Variants in PRPSAP1 observed in about 807,000 individuals in gnomAD.
The protein encoded by PRPSAP1 is phosphoribosyl pyrophosphate synthetase associated protein 1, also known as phosphoribosyl pyrophosphate synthase-associated protein 1.
Under a neutral mutation model 39.4 loss-of-function variants are expected in PRPSAP1, and 31 were observed. The ratio of observed to expected loss-of-function variants is 0.79; its 90% confidence interval spans 0.59 to 1.06. The LOEUF (loss-of-function observed/expected upper bound fraction) is 1.06. PRPSAP1 is among the 50% of genes least tolerant of loss of function. PRPSAP1 has a pLI of 0.00. For synonymous variants in PRPSAP1, 212 were observed against 192.6 expected (o/e 1.10, Z -0.83); for missense variants, 430 against 511.6 (o/e 0.84, Z 1.54).
rs577573547 is a variant in PRPSAP1 at position 76,332,019 on chromosome 17, T to C, written c.463+244A>G. On this transcript the variant is annotated intron_variant, in intron 4 of 9. Coordinates refer to ENST00000446526, the MANE Select transcript of PRPSAP1 (RefSeq NM_002766.3). Reference sequence around the variant, plus strand: ...AGAATTTAGCGATGACAAGATGAAATAGAAAATATGTGACAGATGACAGAG... The same window carrying C: ...AGAATTTAGCGATGACAAGATGAAACAGAAAATATGTGACAGATGACAGAG... Among the ~76,000 whole-genome samples, 43 of 151,810 alleles carry C rather than the reference T, an allele frequency of 2.8e-4. No individual in the cohort carries two copies. In the South Asian group the frequency reaches 3.3e-3, roughly 12 times the overall value.
At chr17:76,352,644 CAA>C (rs55986677) in intron 1 of PRPSAP1, among the ~76,000 whole-genome samples, 24 of 53,578 alleles carry the variant, frequency 4.5e-4, no homozygotes, top group African/African-American at 1.2e-3. Flanking sequence ...GACTCCGTCT[CAA>C]AAAAAAAAAA....
At chr17:76,326,495 T>C (rs2040379350) in intron 7 of PRPSAP1, among the ~76,000 whole-genome samples, 1 of 152,184 alleles carries the variant, frequency 6.6e-6, no homozygotes, top group Non-Finnish European at 1.5e-5. Flanking sequence ...ACACATCATG[T>C]GTTTCCTGTG....
intron 3 of PRPSAP1, 125 bp from the exon 4 acceptor site, chr17:76,332,560 G>C: frequency 1.9e-6 from 2 of 1,050,164 alleles, no homozygotes; most frequent in South Asian, 3.1e-5. Flanking sequence ...CATCACACTA[G>C]CTTACAATGG....
intron 7 of PRPSAP1, among the ~76,000 whole-genome samples, chr17:76,318,100 T>A (rs753707659): frequency 1.3e-5 from 2 of 152,122 alleles, no homozygotes; most frequent in African/African-American, 4.8e-5. Flanking sequence ...TCTCCAGACA[T>A]TGCCAAATAT....
rs538020554 is a variant in PRPSAP1, at chr17:76,313,183, A to C, written c.853-167T>G. On this transcript the variant is annotated intron_variant, in intron 8 of 9. Coordinates refer to ENST00000446526, the MANE Select transcript of PRPSAP1 (RefSeq NM_002766.3). ...AACGAGCATCCAGAAATGGCAACAG[A>C]AGCACCTGACAGTACCTTGTGTGTC... 11 of 821,758 alleles carry C rather than the reference A, an allele frequency of 1.3e-5. No homozygotes were observed. In the African/African-American group the frequency reaches 1.6e-4, roughly 12 times the overall value. 50.9% of individuals were successfully genotyped at this position (821,758 alleles called of 1,614,324 possible).
At chr17:76,352,374 G>A (rs187999368) in intron 1 of PRPSAP1, among the ~76,000 whole-genome samples, 1 of 152,130 alleles carries the variant, frequency 6.6e-6, no homozygotes, top group Non-Finnish European at 1.5e-5. Context: ...CACCGGGCGC[G>A]GTGGCTGAAG....
chr17:76,347,768 G>A (rs1030752503), intron 2 of PRPSAP1, among the ~76,000 whole-genome samples: 4 of 152,082 alleles, frequency 2.6e-5, no homozygotes, highest in Admixed American at 6.6e-5. Context: ...CGTCTGTTTT[G>A]GAAGGTGTCT....
intron 7 of PRPSAP1, among the ~76,000 whole-genome samples, chr17:76,328,232 A>G (rs1192257914): frequency 6.6e-6 from 1 of 151,600 alleles, no homozygotes; most frequent in Non-Finnish European, 1.5e-5. Flanking sequence ...CCATTCCATT[A>G]TTAAAAAACA....
chr17:76,315,425 A>T (rs903494171), intron 7 of PRPSAP1, among the ~76,000 whole-genome samples: 1 of 152,210 alleles, frequency 6.6e-6, no homozygotes, highest in Non-Finnish European at 1.5e-5. Context: ...GGCACTGTGT[A>T]TCTCAAAGAA....
chr17:76,329,049 T>A, intron 6 of PRPSAP1, 187 bp from the exon 7 acceptor site: 1 of 657,312 alleles, frequency 1.5e-6, no homozygotes. Context: ...TGAGTTAGGG[T>A]TTGGGATTGT....
intron 7 of PRPSAP1, among the ~76,000 whole-genome samples, chr17:76,325,334 G>A (rs181613556): frequency 0.011 from 1,555 of 144,170 alleles, 29 homozygotes; most frequent in African/African-American, 0.037. Flanking sequence ...GCGTGAACCC[G>A]GGAGGCGGAG....
At chr17:76,333,630 G>C (rs139489880) in intron 3 of PRPSAP1, among the ~76,000 whole-genome samples, 1,752 of 151,614 alleles carry the variant, frequency 0.012, 35 homozygotes, top group African/African-American at 0.04. Flanking sequence ...GGGCAACAGA[G>C]TGAGGCTCTG....
chr17:76,314,092 C>T lies in PRPSAP1; in HGVS notation c.782-201G>A, dbSNP rs1156356942. ...CAAAAGAAATAGAAGGCATGCCATA[C>T]ATGTTACTTTGAATTTTCTAGTAGC... On this transcript the variant is annotated intron_variant, in intron 7 of 9. Transcript: ENST00000446526. 5 of 577,968 alleles carry T rather than the reference C, an allele frequency of 8.7e-6. No homozygotes were observed. The East Asian group carries it at 1.4e-4, about 16-fold the overall frequency. The allele number at this position is 577,968 out of a possible 1,614,324, so 35.8% of individuals were successfully genotyped here. A position where few individuals can be genotyped will look rare whatever the true frequency, so the allele number is the denominator to read the frequency against.
chr17:76,352,691 A>AGGCC (rs373063407), intron 1 of PRPSAP1, among the ~76,000 whole-genome samples: 186 of 151,680 alleles, frequency 1.2e-3, no homozygotes, highest in African/African-American at 4.3e-3. Context: ...AAAAGAAAAG[A>AGGCC]GGCCACTTAG....
At chr17:76,335,434 C>T (rs1298059695) in intron 3 of PRPSAP1, among the ~76,000 whole-genome samples, 4 of 152,192 alleles carry the variant, frequency 2.6e-5, no homozygotes, top group African/African-American at 7.2e-5. Context: ...CAGCTCACTG[C>T]AACCTCTGCC....
intron 2 of PRPSAP1, chr17:76,345,694 CCAA>C (rs1338658424): frequency 6.0e-6 from 1 of 167,096 alleles, no homozygotes; most frequent in African/African-American, 2.4e-5. Context: ...TTAATCTAAA[CCAA>C]CATTTTATCT....
intron 7 of PRPSAP1, among the ~76,000 whole-genome samples, chr17:76,327,152 AGCCTG>A (rs1043704102): frequency 2.1e-4 from 31 of 149,518 alleles, no homozygotes; most frequent in African/African-American, 7.7e-4. Context: ...GCTCGAGACC[AGCCTG>A]ACCAACATGG....
At chr17:76,324,502 G>A (rs551051740) in intron 7 of PRPSAP1, among the ~76,000 whole-genome samples, 4 of 151,724 alleles carry the variant, frequency 2.6e-5, no homozygotes, top group East Asian at 1.9e-4. Flanking sequence ...TAGGGAGGCC[G>A]AGGCAGGAGA....
intron 7 of PRPSAP1, among the ~76,000 whole-genome samples, chr17:76,320,945 AT>A (rs1425743520): frequency 4.1e-5 from 6 of 148,118 alleles, no homozygotes; most frequent in Admixed American, 6.8e-5. Context: ...CACCTGGCTA[AT>A]TTTTTGTATT....
Sources: allele counts gnomAD v4.1 joint callset (sites outside exome capture counted in the v4.1 genomes callset), GRCh38; gene constraint gnomAD v4.1.1; transcripts MANE v1.5; gene names NCBI Gene and HGNC (gene_info 2026-07-23, HGNC 2026-07-21).